SDC2: variants seen among roughly 807,000 people sequenced by gnomAD.
SDC2 encodes syndecan-2.
In SDC2, 13 loss-of-function variants were observed where a neutral mutation model predicts 22.2. The observed-to-expected ratio is 0.59, with a 90% CI of 0.38 to 0.93. The LOEUF is 0.93. Ranked by LOEUF, SDC2 falls within the 40% of genes least tolerant of loss-of-function variation. The probability of loss-of-function intolerance (pLI) is 0.00; values close to 1 mark genes in which losing one functional copy is unlikely to be tolerated. For missense variants in SDC2, 235 were observed against 246.8 expected (o/e 0.95, Z 0.32); for synonymous variants, 94 against 92.8 (o/e 1.01, Z -0.07).
intron 2 of SDC2, among the ~76,000 whole-genome samples, chr8:96,595,980 G>A (rs1365337446): frequency 6.6e-6 from 1 of 152,218 alleles, no homozygotes; most frequent in Non-Finnish European, 1.5e-5. Context: ...CTTACACTGA[G>A]CTGGGAGTGT....
intron 1 of SDC2, among the ~76,000 whole-genome samples, chr8:96,567,423 C>T (rs893367145): frequency 5.3e-5 from 8 of 152,118 alleles, no homozygotes; most frequent in Non-Finnish European, 1.0e-4. Flanking sequence ...TCGTGTGTGA[C>T]GAAGTCTAGG....
rs556712708 is a variant in SDC2, at chr8:96,505,907, A to T, written c.60+11576A>T. Among the ~76,000 whole-genome samples the T allele has an allele frequency of 2.6e-5, 4 of 152,332 alleles. No homozygotes were observed. The East Asian group carries it at 7.7e-4, about 29-fold the overall frequency. Reference sequence around the variant, plus strand: ...TCAAGTAACTACTGTCTACCTTATGATTATTTAGAGAATTGAAAATGAGTT... The same window carrying T: ...TCAAGTAACTACTGTCTACCTTATGTTTATTTAGAGAATTGAAAATGAGTT... On this transcript the variant is annotated intron_variant, in intron 1 of 4. Coordinates refer to ENST00000302190, the MANE Select transcript of SDC2 (RefSeq NM_002998.4).
intron 1 of SDC2, among the ~76,000 whole-genome samples, chr8:96,545,656 C>T (rs1471619963): frequency 6.6e-6 from 1 of 152,172 alleles, no homozygotes; most frequent in South Asian, 2.1e-4. Flanking sequence ...ACTGTGGGTA[C>T]ATTAGAAGTG....
intron 1 of SDC2, among the ~76,000 whole-genome samples, chr8:96,591,579 A>G (rs151317710): frequency 5.5e-4 from 84 of 152,322 alleles, no homozygotes; most frequent in African/African-American, 2.0e-3. Flanking sequence ...ACATGAAACA[A>G]TGAAAAGTAA....
At chr8:96,609,085 G>A (rs527634210) in intron 4 of SDC2, among the ~76,000 whole-genome samples, 1 of 152,108 alleles carries the variant, frequency 6.6e-6, no homozygotes, top group South Asian at 2.1e-4. Flanking sequence ...TATGAAATGT[G>A]AGTTCTGAAA....
At position 96,609,387 on chromosome 8, in the gene SDC2, G is replaced by A; in HGVS notation, c.445G>A (p.Val149Ile). The change falls in exon 5 of 5, where the codon GTC becomes ATC. Residue 149 changes from valine to isoleucine, a missense_variant and splice_region_variant. Physicochemically the swap from Val to Ile is conservative, Grantham distance 29. Transcript: ENST00000302190. The stretch of plus-strand genomic sequence containing the variant: ...AATCTTCCTTTTGGTTGTTTCAGCT[G>A]TCATTGCTGGTGGAGTTATTGGCTT... ...LFKRTEVLAA[V>I]IAGGVIGFLF... 6.2e-7 allele frequency: 1 copy of A among 1,610,118 alleles called. No individual in the cohort carries two copies. The highest frequency in any genetic ancestry group is 1.3e-5 in the African/African-American group (1 of 74,834).
intron 1 of SDC2, among the ~76,000 whole-genome samples, chr8:96,575,117 G>A (rs572530178): frequency 6.6e-6 from 1 of 152,258 alleles, no homozygotes; most frequent in East Asian, 1.9e-4. Flanking sequence ...AACAGGCCAC[G>A]GATCGGTATT....
intron 1 of SDC2, among the ~76,000 whole-genome samples, chr8:96,532,766 C>T (rs1161598332): frequency 6.6e-6 from 1 of 152,094 alleles, no homozygotes; most frequent in African/African-American, 2.4e-5. Flanking sequence ...CCGGGCTATG[C>T]ATTCACCTTC....
At chr8:96,556,954 A>C (rs1814125954) in intron 1 of SDC2, among the ~76,000 whole-genome samples, 1 of 151,296 alleles carries the variant, frequency 6.6e-6, no homozygotes, top group Non-Finnish European at 1.5e-5. Context: ...CCCATCAAAA[A>C]GTGGGCGAAG....
At chr8:96,582,837 G>A (rs1814611656) in intron 1 of SDC2, among the ~76,000 whole-genome samples, 2 of 152,102 alleles carry the variant, frequency 1.3e-5, no homozygotes, top group African/African-American at 4.8e-5. Flanking sequence ...GCTGGGAAAC[G>A]GAGCAAGCTC....
intron 2 of SDC2, among the ~76,000 whole-genome samples, chr8:96,596,869 G>C (rs1482956523): frequency 6.6e-6 from 1 of 152,234 alleles, no homozygotes; most frequent in African/African-American, 2.4e-5. Flanking sequence ...GGCCGAGTTA[G>C]TTCGCAGTGG....
chr8:96,541,192 A>T (rs1813843774), intron 1 of SDC2, among the ~76,000 whole-genome samples: 1 of 152,184 alleles, frequency 6.6e-6, no homozygotes, highest in Non-Finnish European at 1.5e-5. Flanking sequence ...GCACTTTGGG[A>T]GGCTGAGGCA....
At position 96,540,340 on chromosome 8, in the gene SDC2, G is replaced by GTATATATATA. The variant is rs1554601718; in HGVS notation, c.60+46016_60+46025dup. On this transcript the variant is annotated intron_variant, in intron 1 of 4. Coordinates refer to ENST00000302190, the MANE Select transcript of SDC2 (RefSeq NM_002998.4). ...AACCCTGTCTCTACTATATATATGT[G>GTATATATATA]TATATATATATATATAAAAATTAGT... 1.9e-4 allele frequency among the ~76,000 whole-genome samples: 23 copies of GTATATATATA among 123,686 alleles called. No individual in the cohort carries two copies. In the East Asian group the frequency reaches 4.7e-3, roughly 25 times the overall value. 81.1% of individuals were successfully genotyped at this position (123,686 alleles called of 152,430 possible).
intron 1 of SDC2, among the ~76,000 whole-genome samples, chr8:96,521,052 G>A (rs1813489981): frequency 6.6e-6 from 1 of 152,162 alleles, no homozygotes; most frequent in South Asian, 2.1e-4. Context: ...AGAGAAGTTA[G>A]GTGACTTGCC....
intron 1 of SDC2, among the ~76,000 whole-genome samples, chr8:96,520,664 C>T (rs189939787): frequency 1.2e-4 from 19 of 152,284 alleles, no homozygotes; most frequent in African/African-American, 4.3e-4. Context: ...TTGCAATGTG[C>T]CGAAAACATA....
intron 3 of SDC2, among the ~76,000 whole-genome samples, chr8:96,603,552 T>A (rs1252123205): frequency 1.3e-5 from 2 of 152,196 alleles, no homozygotes; most frequent in African/African-American, 4.8e-5. Flanking sequence ...AGGGTATGGA[T>A]ATGGAAGGCT....
At chr8:96,604,640 G>A (rs1815047830) in intron 3 of SDC2, among the ~76,000 whole-genome samples, 1 of 152,100 alleles carries the variant, frequency 6.6e-6, no homozygotes, top group African/African-American at 2.4e-5. Context: ...CACTGTTACG[G>A]ATATCCTATC....
chr8:96,569,153 G>T (rs941730876), intron 1 of SDC2, among the ~76,000 whole-genome samples: 2 of 152,122 alleles, frequency 1.3e-5, no homozygotes, highest in East Asian at 3.8e-4. Flanking sequence ...GACTGCAGGT[G>T]CACACCAACA....
At chr8:96,598,846 C>T (rs921554954) in intron 2 of SDC2, among the ~76,000 whole-genome samples, 8 of 151,088 alleles carry the variant, frequency 5.3e-5, no homozygotes, top group South Asian at 2.1e-4. Context: ...AGTGGGGCTT[C>T]GAGATTTCTG....
Sources: allele counts gnomAD v4.1 joint callset (sites outside exome capture counted in the v4.1 genomes callset), GRCh38; gene constraint gnomAD v4.1.1; transcripts MANE v1.5; gene names NCBI Gene and HGNC (gene_info 2026-07-23, HGNC 2026-07-21).